Variants in UMAD1 observed in about 807,000 individuals in gnomAD.
The protein encoded by UMAD1 is UBAP1-MVB12-associated (UMA)-domain containing protein 1.
In UMAD1, 8 loss-of-function variants were observed where a neutral mutation model predicts 6.1. The observed-to-expected ratio is 1.30, with a 90% CI of 0.76 to 2.35. The LOEUF (loss-of-function observed/expected upper bound fraction) is 2.35, where lower values mean the gene tolerates loss of function less well. Ranked by LOEUF, UMAD1 falls within the 30% of genes most tolerant of loss-of-function variation. UMAD1 has a pLI of 0.00. For synonymous variants in UMAD1, 56 were observed against 31.4 expected (o/e 1.78, Z -2.61); for missense variants, 130 against 78.4 (o/e 1.66, Z -2.49).
In UMAD1 at chr7:7,878,689, A is replaced by G. The variant is rs1784469414; in HGVS notation, c.*1151A>G. ...TGCCAAGTTTTAAGTATATTTTTTC[A>G]CAAAGATAGAGTGCCATAGTGAAAC... On this transcript the variant is annotated 3_prime_UTR_variant, in exon 4 of 4. Transcript: ENST00000682710. 1 of 152,154 alleles carries G rather than the reference A, an allele frequency of 6.6e-6. No individual in the cohort carries two copies. Among genetic ancestry groups the G allele is most frequent in the Non-Finnish European group, 1.5e-5 (1 of 68,010 alleles). 9.4% of individuals were successfully genotyped at this position (152,154 alleles called of 1,614,324 possible).
intron 3 of UMAD1, among the ~76,000 whole-genome samples, chr7:7,836,919 T>C (rs1783582831): frequency 6.6e-6 from 1 of 150,502 alleles, no homozygotes; most frequent in African/African-American, 2.4e-5. Context: ...AGGGACAATA[T>C]ATGAAAATTA....
chr7:7,840,375 C>G (rs1216794605), intron 3 of UMAD1, among the ~76,000 whole-genome samples: 2 of 152,086 alleles, frequency 1.3e-5, no homozygotes, highest in East Asian at 3.9e-4. Context: ...AATATTGATG[C>G]CCCGGCCCCA....
intron 2 of UMAD1, among the ~76,000 whole-genome samples, chr7:7,798,559 A>G (rs1330040207): frequency 6.6e-6 from 1 of 152,224 alleles, no homozygotes; most frequent in Non-Finnish European, 1.5e-5. Flanking sequence ...TGGGGCCTAT[A>G]GAAGCAAAAA....
At chr7:7,735,288 A>G (rs1267607332) in intron 2 of UMAD1, among the ~76,000 whole-genome samples, 3 of 152,226 alleles carry the variant, frequency 2.0e-5, no homozygotes, top group African/African-American at 7.2e-5. Context: ...AGGTAATTCT[A>G]AAGGTACAAT....
At chr7:7,757,154 A>C (rs1342951255) in intron 2 of UMAD1, among the ~76,000 whole-genome samples, 1 of 152,222 alleles carries the variant, frequency 6.6e-6, no homozygotes, top group Non-Finnish European at 1.5e-5. Context: ...ATTCATAAGC[A>C]ACTATCAATT....
chr7:7,713,183 A>G (rs952828088), intron 2 of UMAD1, among the ~76,000 whole-genome samples: 93 of 145,068 alleles, frequency 6.4e-4, no homozygotes, highest in Admixed American at 3.9e-3. Context: ...CTAAAAATAC[A>G]AAAAAAAAAA....
intron 3 of UMAD1, among the ~76,000 whole-genome samples, chr7:7,812,868 G>A (rs1321313842): frequency 6.8e-6 from 1 of 148,128 alleles, no homozygotes; most frequent in East Asian, 2.0e-4. Context: ...TCCTCCTTTG[G>A]TTTATATTAC....
At chr7:7,837,149 G>A (rs935588630) in intron 3 of UMAD1, among the ~76,000 whole-genome samples, 4 of 151,998 alleles carry the variant, frequency 2.6e-5, no homozygotes, top group African/African-American at 9.7e-5. Flanking sequence ...GGATCCAAAG[G>A]CAGTCAAATA....
intron 3 of UMAD1, among the ~76,000 whole-genome samples, chr7:7,804,853 C>T (rs1321317064): frequency 1.3e-5 from 2 of 151,860 alleles, no homozygotes; most frequent in South Asian, 2.1e-4. Context: ...CGGTGGCCTG[C>T]GCCTGTAGTC....
chr7:7,840,081 C>T (rs1168212573), intron 3 of UMAD1, among the ~76,000 whole-genome samples: 1 of 152,054 alleles, frequency 6.6e-6, no homozygotes, highest in Non-Finnish European at 1.5e-5. Context: ...GTGACCTAGA[C>T]AGTGCAAAAA....
chr7:7,787,322 C>A (rs1782480415), intron 2 of UMAD1, among the ~76,000 whole-genome samples: 1 of 152,082 alleles, frequency 6.6e-6, no homozygotes, highest in South Asian at 2.1e-4. Context: ...ATTAGTGATT[C>A]CTTCTTTACA....
At chr7:7,877,223 C>T in intron 3 of UMAD1, 58 bp from the exon 4 acceptor site, 1 of 680,806 alleles carries the variant, frequency 1.5e-6, no homozygotes, top group Admixed American at 2.1e-5. Context: ...GCCACATTTA[C>T]CGTTATTCAA....
chr7:7,648,422 T>C (rs1003402572), intron 1 of UMAD1, among the ~76,000 whole-genome samples: 2 of 152,216 alleles, frequency 1.3e-5, no homozygotes, highest in Non-Finnish European at 2.9e-5. Context: ...GTCTTGTAAA[T>C]AGTGCATATA....
intron 1 of UMAD1, among the ~76,000 whole-genome samples, chr7:7,651,526 A>T (rs1298401665): frequency 6.6e-6 from 1 of 152,042 alleles, no homozygotes; most frequent in Non-Finnish European, 1.5e-5. Flanking sequence ...TATTTTCCCT[A>T]TGGCCATTGC....
intron 3 of UMAD1, among the ~76,000 whole-genome samples, chr7:7,851,525 G>A (rs1783917037): frequency 6.6e-6 from 1 of 152,174 alleles, no homozygotes; most frequent in South Asian, 2.1e-4. Flanking sequence ...CACCAGAAGT[G>A]TGGGAGTGTT....
At chr7:7,796,236 TTTTC>T (rs1563213119) in intron 2 of UMAD1, among the ~76,000 whole-genome samples, 30 of 133,148 alleles carry the variant, frequency 2.3e-4, no homozygotes, top group African/African-American at 7.5e-4. Flanking sequence ...CCCATTTCTA[TTTTC>T]TTTCTTTTTT....
intron 2 of UMAD1, among the ~76,000 whole-genome samples, chr7:7,733,017 A>G (rs150742034): frequency 1.3e-5 from 2 of 152,350 alleles, no homozygotes; most frequent in African/African-American, 2.4e-5. Context: ...AAACCCGTCA[A>G]TGAAAGAAAC....
intron 1 of UMAD1, among the ~76,000 whole-genome samples, chr7:7,671,482 A>T (rs1371363143): frequency 6.6e-6 from 1 of 152,198 alleles, no homozygotes; most frequent in African/African-American, 2.4e-5. Flanking sequence ...GCTGAGGCTG[A>T]GTTTTAATTA....
chr7:7,649,175 A>AG (rs58651463), intron 1 of UMAD1, among the ~76,000 whole-genome samples: 31,408 of 103,918 alleles, frequency 0.3, 5,215 homozygotes, highest in African/African-American at 0.55. Flanking sequence ...AAAAAAAAAA[A>AG]AAAAGAAAAG....
Sources: allele counts gnomAD v4.1 joint callset (sites outside exome capture counted in the v4.1 genomes callset), GRCh38; gene constraint gnomAD v4.1.1; transcripts MANE v1.5; gene names NCBI Gene and HGNC (gene_info 2026-07-23, HGNC 2026-07-21).